The following CORO7 variants were observed in gnomAD, a reference collection of about 807,000 sequenced individuals.
CORO7 encodes the protein coronin-7.
Under a neutral mutation model 126.6 loss-of-function variants are expected in CORO7, and 107 were observed. That is an observed-to-expected ratio of 0.85 (90% CI 0.72 to 0.99). CORO7 has a LOEUF of 0.99. Ranked by LOEUF, CORO7 falls within the 50% of genes least tolerant of loss-of-function variation. The pLI, the probability that CORO7 is intolerant of heterozygous loss-of-function variation, is 0.00. For missense variants in CORO7, 1,314 were observed against 1,255.8 expected (o/e 1.05, Z -0.70); for synonymous variants, 603 against 536.8 (o/e 1.12, Z -1.70).
At chr16:4,357,066 G>C (rs2053997974) in intron 26 of CORO7, 102 bp downstream of exon 26, 3 of 1,442,674 alleles carry the variant, frequency 2.1e-6, no homozygotes, top group Non-Finnish European at 2.9e-6. Context: ...GTGACATGTG[G>C]CTGCTGTCCC....
At chr16:4,391,375 G>C (rs956976015) in intron 7 of CORO7, among the ~76,000 whole-genome samples, 2 of 152,168 alleles carry the variant, frequency 1.3e-5, no homozygotes, top group Non-Finnish European at 2.9e-5. Context: ...GGCCAACATG[G>C]TGAAACCCCA....
At chr16:4,405,417 A>T (rs1780697959) in intron 6 of CORO7, 74 bp downstream of exon 6, 2 of 1,507,844 alleles carry the variant, frequency 1.3e-6, no homozygotes, top group South Asian at 2.5e-5. Flanking sequence ...CAAGCCTGGA[A>T]GGCCCAGCCC....
chr16:4,387,983 T>G lies in CORO7; in HGVS notation c.785+3A>C. 1 of 1,612,886 alleles carries G rather than the reference T, an allele frequency of 6.2e-7. No homozygotes were observed. Among genetic ancestry groups the G allele is most frequent in the South Asian group, 1.1e-5 (1 of 91,064 alleles). On this transcript the variant is annotated splice_donor_region_variant and intron_variant, in intron 9 of 27. Transcript: ENST00000251166. Reference sequence around the variant, plus strand: ...CAGCCCACCTGCGTGCCGCAGCTCCTACCCAAGCGAGGTGTCCAAGGTGAG... The same window carrying G: ...CAGCCCACCTGCGTGCCGCAGCTCCGACCCAAGCGAGGTGTCCAAGGTGAG...
intron 10 of CORO7, among the ~76,000 whole-genome samples, 161 bp from the exon 11 acceptor site, chr16:4,365,221 G>C (rs906270069): frequency 6.6e-6 from 1 of 152,194 alleles, no homozygotes; most frequent in Non-Finnish European, 1.5e-5. Flanking sequence ...CTGAGCCCTA[G>C]GCTGACTACC....
intron 9 of CORO7, chr16:4,381,607 C>T (rs1487067987): frequency 6.3e-7 from 1 of 1,598,904 alleles, no homozygotes; most frequent in Non-Finnish European, 8.5e-7. Flanking sequence ...CCTGACGCGC[C>T]TGCGGCTGGC....
intron 9 of CORO7, chr16:4,380,956 G>C: frequency 6.2e-7 from 1 of 1,601,590 alleles, no homozygotes; most frequent in Non-Finnish European, 8.5e-7. Flanking sequence ...CTGCCCATCC[G>C]GCTGCCAGTG....
Position 4,388,544 on chromosome 16 carries a change from C to G in CORO7, c.702+1G>C. 1 of 1,611,950 alleles carries G rather than the reference C, an allele frequency of 6.2e-7. No individual in the cohort carries two copies. On this transcript the variant is annotated splice_donor_variant, in intron 8 of 27. Transcript: ENST00000251166. LOFTEE classifies it high-confidence loss of function. The stretch of plus-strand genomic sequence containing the variant: ...CTGCTCCTCCAGGAGGAACCCCCTA[C>G]CTGGTTGAATCCAGTAGACACAAGG...
intron 1 of CORO7, chr16:4,416,009 G>A (rs2056397098): frequency 2.1e-6 from 1 of 475,646 alleles, no homozygotes; most frequent in Non-Finnish European, 2.8e-6. Context: ...GCTCGCCGGG[G>A]CCAGAGGAGA....
At position 4,382,904 on chromosome 16, in the gene CORO7, G is replaced by A. The variant is rs764588101; in HGVS notation, c.785+5082C>T. 1.5e-5 allele frequency: 22 copies of A among 1,500,172 alleles called. No homozygotes were observed. In the Admixed American group the frequency reaches 4.7e-4, roughly 32 times the overall value. 92.9% of individuals were successfully genotyped at this position (1,500,172 alleles called of 1,614,324 possible). On this transcript the variant is annotated intron_variant, in intron 9 of 27. Coordinates refer to ENST00000251166, the MANE Select transcript of CORO7 (RefSeq NM_024535.5). ...CACGCAAAGCCCTACATCTAAGCCA[G>A]AGAGAGACAGGGCAGCTGGGGCCGG...
chr16:4,376,082 G>A (rs1179998878), intron 9 of CORO7, among the ~76,000 whole-genome samples: 1 of 152,190 alleles, frequency 6.6e-6, no homozygotes, highest in Non-Finnish European at 1.5e-5. Flanking sequence ...CCAGCCAGGG[G>A]TCCCCGCGCC....
intron 2 of CORO7, chr16:4,412,950 C>T (rs550024834): frequency 2.2e-4 from 57 of 255,030 alleles, no homozygotes; most frequent in Non-Finnish European, 3.5e-4. Flanking sequence ...AACCAACACA[C>T]GGGCTTTTCA....
chr16:4,381,664 C>G, intron 9 of CORO7: 1 of 1,604,722 alleles, frequency 6.2e-7, no homozygotes, highest in East Asian at 2.2e-5. Flanking sequence ...CCTGGCCGGC[C>G]TGGCTGCCCT....
intron 25 of CORO7, 172 bp downstream of exon 25, chr16:4,357,796 G>T: frequency 3.3e-6 from 4 of 1,227,574 alleles, no homozygotes; most frequent in Non-Finnish European, 4.4e-6. Context: ...TGAAAACACA[G>T]ACCACGAGCC....
intron 9 of CORO7, chr16:4,382,317 G>A (rs1338593862): frequency 6.2e-7 from 1 of 1,610,980 alleles, no homozygotes; most frequent in Non-Finnish European, 8.5e-7. Flanking sequence ...GCGTGGGGCT[G>A]CAGCGCTACC....
chr16:4,382,700 C>T (rs1419218596), intron 9 of CORO7: 24 of 1,546,544 alleles, frequency 1.6e-5, no homozygotes, highest in South Asian at 3.6e-5. Context: ...ATGGCAGCAG[C>T]GGCTCAGGAC....
At chr16:4,392,432 A>G (rs1188753174) in intron 7 of CORO7, among the ~76,000 whole-genome samples, 2 of 152,220 alleles carry the variant, frequency 1.3e-5, no homozygotes, top group African/African-American at 4.8e-5. Context: ...TACATGCAGT[A>G]TAAGAACCAA....
chr16:4,393,522 T>C (rs1183454397), intron 7 of CORO7, among the ~76,000 whole-genome samples: 1 of 152,234 alleles, frequency 6.6e-6, no homozygotes, highest in East Asian at 1.9e-4. Flanking sequence ...GAACTGACTG[T>C]ACCGTTTGGA....
At chr16:4,397,041 A>C (rs1332531749) in intron 6 of CORO7, among the ~76,000 whole-genome samples, 2 of 151,698 alleles carry the variant, frequency 1.3e-5, no homozygotes, top group African/African-American at 2.4e-5. Flanking sequence ...GAAAGAAAGA[A>C]AGAAAAACAA....
At chr16:4,382,898 AAGCC>A (rs2055051347) in intron 9 of CORO7, 2 of 1,511,232 alleles carry the variant, frequency 1.3e-6, no homozygotes, top group Non-Finnish European at 1.8e-6. Flanking sequence ...CCCTACATCT[AAGCC>A]AGAGAGAGAC....
Sources: gnomAD v4.1 joint callset for allele counts (sites outside exome capture counted in the v4.1 genomes callset) on GRCh38, gnomAD v4.1.1 for gene constraint, MANE v1.5 for transcripts, NCBI Gene and HGNC (gene_info 2026-07-23, HGNC 2026-07-21) for gene names.